The following PTPRD variants were observed in gnomAD, a reference collection of about 807,000 sequenced individuals.
The protein encoded by PTPRD is receptor-type tyrosine-protein phosphatase delta.
PTPRD carries 34 observed loss-of-function variants against 214.5 expected under a neutral mutation model. The observed-to-expected ratio is 0.16, with a 90% confidence interval of 0.12 to 0.21. The LOEUF (loss-of-function observed/expected upper bound fraction) is 0.21, where lower values mean the gene tolerates loss of function less well. PTPRD is among the 10% of genes least tolerant of loss of function. The pLI is 1.00. For synonymous variants in PTPRD, 1,128 were observed against 845.7 expected (o/e 1.33, Z -5.79); for missense variants, 2,545 against 2,398.7 (o/e 1.06, Z -1.27).
At chr9:8,363,254 T>A (rs561631624) in intron 39 of PTPRD, among the ~76,000 whole-genome samples, 1 of 152,312 alleles carries the variant, frequency 6.6e-6, no homozygotes, top group East Asian at 1.9e-4. Context: ...GAGGACAGTA[T>A]AATTTAAAAA....
chr9:9,588,819 A>T (rs1280763410), intron 7 of PTPRD, among the ~76,000 whole-genome samples: 4 of 151,938 alleles, frequency 2.6e-5, no homozygotes, highest in African/African-American at 9.7e-5. Context: ...ATAATGAGGA[A>T]TTATTAAGAG....
rs2135956431 is a variant in PTPRD at position 8,486,157 on chromosome 9, T to A, written c.2660A>T (p.Lys887Met). The change falls in exon 28 of 46, where the codon AAG becomes ATG. Residue 887 changes from lysine (K) to methionine (M), a missense_variant. Lys to Met is a moderately conservative substitution (Grantham distance 95, BLOSUM62 -1). Transcript: ENST00000381196. ...GAGCCTGAAGACGTATGATGCTCCC[T>A]TGTGGATGTCTGTAGCTGTAAAGTG... ...EDHFTATDIH[K>M]GASYVFRLSA... 2.5e-6 allele frequency: 4 copies of A among 1,614,200 alleles called. No individual in the cohort carries two copies. In the South Asian group the frequency reaches 4.4e-5, roughly 18 times the overall value.
chr9:10,549,397 G>C (rs577047592), intron 2 of PTPRD, among the ~76,000 whole-genome samples: 1 of 152,140 alleles, frequency 6.6e-6, no homozygotes, highest in African/African-American at 2.4e-5. Flanking sequence ...GGGAAAGTTG[G>C]GAAAATAGAA....
chr9:9,909,201 A>C (rs2078468991), intron 5 of PTPRD, among the ~76,000 whole-genome samples: 1 of 151,924 alleles, frequency 6.6e-6, no homozygotes, highest in Admixed American at 6.6e-5. Flanking sequence ...TTCTACCTGA[A>C]ATGGCATATC....
intron 3 of PTPRD, among the ~76,000 whole-genome samples, chr9:10,245,146 A>G (rs553790060): frequency 6.6e-6 from 1 of 152,144 alleles, no homozygotes; most frequent in Non-Finnish European, 1.5e-5. Flanking sequence ...ATGAAATTAA[A>G]TTTCATCATC....
At position 8,431,241 on chromosome 9, in the gene PTPRD, G is replaced by A. The variant is rs148158407; in HGVS notation, c.4086+5351C>T. Among the ~76,000 whole-genome samples, 913 of 152,176 alleles carry A rather than the reference G, an allele frequency of 6.0e-3. 5 individuals carry two copies. Among genetic ancestry groups the A allele is most frequent in the Middle Eastern group, 0.037 (11 of 294 alleles). On this transcript the variant is annotated intron_variant, in intron 35 of 45. Coordinates refer to ENST00000381196, the MANE Select transcript of PTPRD (RefSeq NM_002839.4). ...CTTAGTCTCTTTATGGGGCCTGTAC[G>A]TAAATGAAAATATGATTACAGACCA... is the stretch of plus-strand genomic sequence containing the variant.
At chr9:8,338,024 C>A (rs1360335549) in intron 43 of PTPRD, among the ~76,000 whole-genome samples, 2 of 152,102 alleles carry the variant, frequency 1.3e-5, no homozygotes, top group African/African-American at 2.4e-5. Context: ...TAACCAATTT[C>A]TCTTTCACTT....
At chr9:10,116,755 G>C (rs2098733915) in intron 3 of PTPRD, among the ~76,000 whole-genome samples, 1 of 152,076 alleles carries the variant, frequency 6.6e-6, no homozygotes. Flanking sequence ...TTGACTCATA[G>C]TGAAGTTCTG....
chr9:10,449,869 T>C (rs531987199), intron 2 of PTPRD, among the ~76,000 whole-genome samples: 3 of 151,900 alleles, frequency 2.0e-5, no homozygotes, highest in East Asian at 3.9e-4. Context: ...GAAGTAGACA[T>C]AGGAGACTCC....
intron 5 of PTPRD, among the ~76,000 whole-genome samples, chr9:9,889,119 T>C (rs185384351): frequency 2.0e-5 from 3 of 152,078 alleles, no homozygotes; most frequent in African/African-American, 7.2e-5. Flanking sequence ...GCTGGGATGG[T>C]TGGGGGTGGT....
At chr9:9,764,987 TTTGA>T (rs1409974698) in intron 6 of PTPRD, among the ~76,000 whole-genome samples, 1 of 152,166 alleles carries the variant, frequency 6.6e-6, no homozygotes, top group African/African-American at 2.4e-5. Context: ...TTGTGCTATG[TTTGA>T]TTAAGTCCCT....
At chr9:9,888,750 TG>T (rs1311013315) in intron 5 of PTPRD, among the ~76,000 whole-genome samples, 1 of 152,086 alleles carries the variant, frequency 6.6e-6, no homozygotes, top group Non-Finnish European at 1.5e-5. Flanking sequence ...CTCTTTTCTT[TG>T]TAAATTGCCC....
chr9:9,347,677 G>A (rs1440888137), intron 9 of PTPRD, among the ~76,000 whole-genome samples: 1 of 152,122 alleles, frequency 6.6e-6, no homozygotes, highest in African/African-American at 2.4e-5. Flanking sequence ...AGATAATGGG[G>A]AAAAGGGTGA....
At chr9:10,143,131 G>T (rs1393602667) in intron 3 of PTPRD, among the ~76,000 whole-genome samples, 1 of 152,052 alleles carries the variant, frequency 6.6e-6, no homozygotes. Flanking sequence ...TTGTGAGGTG[G>T]GGGGAGGGGA....
chr9:8,446,836 TG>T (rs1310106876), intron 34 of PTPRD, among the ~76,000 whole-genome samples: 1 of 152,136 alleles, frequency 6.6e-6, no homozygotes, highest in Non-Finnish European at 1.5e-5. Flanking sequence ...TGATTCTTCG[TG>T]AAAAAGAGGA....
intron 5 of PTPRD, among the ~76,000 whole-genome samples, chr9:9,914,748 G>A (rs1207867961): frequency 6.6e-6 from 1 of 152,104 alleles, no homozygotes; most frequent in Non-Finnish European, 1.5e-5. Flanking sequence ...CACACTCCCG[G>A]GCCAGCTGAG....
chr9:9,907,691 A>G (rs1169000353), intron 5 of PTPRD, among the ~76,000 whole-genome samples: 1 of 151,950 alleles, frequency 6.6e-6, no homozygotes, highest in Non-Finnish European at 1.5e-5. Flanking sequence ...CAGTCCCATA[A>G]AAGTGAACAC....
intron 3 of PTPRD, among the ~76,000 whole-genome samples, chr9:10,251,487 G>A (rs1026978368): frequency 6.6e-6 from 1 of 151,644 alleles, no homozygotes; most frequent in African/African-American, 2.4e-5. Flanking sequence ...CGAGTTATGT[G>A]ATTTACAACA....
chr9:9,787,475 C>A (rs1349131319), intron 5 of PTPRD, among the ~76,000 whole-genome samples: 2 of 148,234 alleles, frequency 1.3e-5, no homozygotes, highest in African/African-American at 2.5e-5. Flanking sequence ...ATTAATGTTA[C>A]TTTTTTTCTG....
Sources: gnomAD v4.1 joint callset for allele counts (sites outside exome capture counted in the v4.1 genomes callset) on GRCh38, gnomAD v4.1.1 for gene constraint, MANE v1.5 for transcripts, NCBI Gene and HGNC (gene_info 2026-07-23, HGNC 2026-07-21) for gene names.